The following TMEM132C variants were observed in gnomAD, a reference collection of about 807,000 sequenced individuals.
The protein encoded by TMEM132C is protein phosphatase 1, regulatory subunit 152.
A neutral mutation model predicts 61.4 loss-of-function variants in TMEM132C; 29 were observed. That is an observed-to-expected ratio of 0.47 (90% CI 0.35 to 0.64). The LOEUF is 0.64. TMEM132C is among the 30% of genes least tolerant of loss of function. The probability of loss-of-function intolerance (pLI) is 0.00; values close to 1 mark genes in which losing one functional copy is unlikely to be tolerated. For synonymous variants in TMEM132C, 656 were observed against 633.1 expected, an observed-to-expected ratio of 1.04 and a Z score of -0.54; for missense variants, 1,408 against 1,476.9, an observed-to-expected ratio of 0.95 and a Z score of 0.76.
At chr12:128,580,939 T>C (rs1875310681) in intron 3 of TMEM132C, among the ~76,000 whole-genome samples, 1 of 152,156 alleles carries the variant, frequency 6.6e-6, no homozygotes, top group South Asian at 2.1e-4. Context: ...TCCCACTAGA[T>C]GCCAACTGCA....
rs201749585 is a variant in TMEM132C, at chr12:128,668,719, CA to C, written c.1306-697del. 5.6e-3 allele frequency among the ~76,000 whole-genome samples: 853 copies of C among 152,254 alleles called. 16 individuals are homozygous for C. The highest frequency in any genetic ancestry group is 0.02 in the African/African-American group (827 of 41,512). Reference sequence around the variant, plus strand: ...TAAAGTTAAGATGTTGGCAGGGCTGCACTCCTTCTGGAAGCTCTCAGGGAAA... The same window carrying C: ...TAAAGTTAAGATGTTGGCAGGGCTGCCTCCTTCTGGAAGCTCTCAGGGAAA... On this transcript the variant is annotated intron_variant, in intron 4 of 8. Transcript: ENST00000435159.
At chr12:128,345,445 T>G (rs1267514725) in intron 1 of TMEM132C, among the ~76,000 whole-genome samples, 1 of 152,208 alleles carries the variant, frequency 6.6e-6, no homozygotes, top group Admixed American at 6.5e-5. Context: ...CTGGGTCAAA[T>G]GATATTTCTA....
intron 5 of TMEM132C, among the ~76,000 whole-genome samples, chr12:128,685,537 C>G (rs988037918): frequency 6.6e-6 from 1 of 152,132 alleles, no homozygotes; most frequent in Non-Finnish European, 1.5e-5. Flanking sequence ...TATTAATGGT[C>G]AAGTTCCAAC....
chr12:128,629,173 A>G (rs1415818424), intron 4 of TMEM132C, among the ~76,000 whole-genome samples: 1 of 152,310 alleles, frequency 6.6e-6, no homozygotes, highest in East Asian at 1.9e-4. Context: ...AATGGAGTTC[A>G]AGTTCTATAC....
At chr12:128,574,150 T>C (rs1287690623) in intron 3 of TMEM132C, among the ~76,000 whole-genome samples, 1 of 152,208 alleles carries the variant, frequency 6.6e-6, no homozygotes, top group Non-Finnish European at 1.5e-5. Flanking sequence ...ACTTCCTTGC[T>C]CCTGGCAGAT....
At chr12:128,586,161 G>A (rs1330612067) in intron 3 of TMEM132C, among the ~76,000 whole-genome samples, 1 of 152,128 alleles carries the variant, frequency 6.6e-6, no homozygotes, top group African/African-American at 2.4e-5. Context: ...GAGGAATTAA[G>A]GGTCAGGGAT....
At position 128,705,033 on chromosome 12, in the gene TMEM132C, G is replaced by T. The variant is rs1276019323; in HGVS notation, c.2122-57G>T. 7 of 1,460,026 alleles carry T rather than the reference G, an allele frequency of 4.8e-6. No individual in the cohort carries two copies. In the East Asian group the frequency reaches 1.5e-4, roughly 31 times the overall value. 90.4% of individuals were successfully genotyped at this position (1,460,026 alleles called of 1,614,324 possible). On this transcript the variant is annotated intron_variant, in intron 8 of 8. Coordinates refer to ENST00000435159, the MANE Select transcript of TMEM132C (RefSeq NM_001136103.3). The stretch of plus-strand genomic sequence containing the variant: ...TCATTGGGCGTCCTCCTAGGAGGGG[G>T]TTTCTAAGGGAAAAGGCATCCCCCA...
At chr12:128,588,857 CTG>C (rs1875645619) in intron 3 of TMEM132C, among the ~76,000 whole-genome samples, 1 of 152,170 alleles carries the variant, frequency 6.6e-6, no homozygotes, top group South Asian at 2.1e-4. Flanking sequence ...GTCACCCAGT[CTG>C]TGAGATTTTA....
intron 5 of TMEM132C, among the ~76,000 whole-genome samples, chr12:128,675,216 G>A (rs11059822): frequency 0.47 from 70,953 of 151,820 alleles, 16,736 homozygotes; most frequent in African/African-American, 0.56. Context: ...AGATGAAGAA[G>A]GTGAACCTCT....
chr12:128,643,853 C>T (rs1351708965), intron 4 of TMEM132C, among the ~76,000 whole-genome samples: 1 of 151,862 alleles, frequency 6.6e-6, no homozygotes, highest in East Asian at 1.9e-4. Context: ...AATTTTCCAA[C>T]ATAAAGATTA....
intron 2 of TMEM132C, among the ~76,000 whole-genome samples, chr12:128,466,166 G>A (rs1870728788): frequency 6.6e-6 from 1 of 152,164 alleles, no homozygotes; most frequent in African/African-American, 2.4e-5. Context: ...CTGCGATGGA[G>A]AACTAGCCAG....
intron 3 of TMEM132C, among the ~76,000 whole-genome samples, chr12:128,608,840 G>A (rs918945160): frequency 6.6e-5 from 10 of 152,160 alleles, no homozygotes; most frequent in Admixed American, 5.9e-4. Context: ...AGGAGGGGGA[G>A]GCTCAGGTTT....
chr12:128,297,263 T>C (rs867927623), intron 1 of TMEM132C, among the ~76,000 whole-genome samples: 1 of 152,210 alleles, frequency 6.6e-6, no homozygotes. Context: ...TAATTTTCTG[T>C]GCTGTGAACA....
At chr12:128,662,535 A>G (rs1245614556) in intron 4 of TMEM132C, among the ~76,000 whole-genome samples, 2 of 152,158 alleles carry the variant, frequency 1.3e-5, no homozygotes, top group East Asian at 3.9e-4. Flanking sequence ...GGTCAAGAAC[A>G]TATACTCCTG....
At chr12:128,513,539 G>T (rs1029654866) in intron 2 of TMEM132C, among the ~76,000 whole-genome samples, 1 of 152,110 alleles carries the variant, frequency 6.6e-6, no homozygotes, top group African/African-American at 2.4e-5. Flanking sequence ...TCCCATCTTG[G>T]ACGATCTTTT....
At chr12:128,444,157 C>T (rs1275829674) in intron 2 of TMEM132C, among the ~76,000 whole-genome samples, 2 of 152,106 alleles carry the variant, frequency 1.3e-5, no homozygotes, top group Non-Finnish European at 2.9e-5. Flanking sequence ...TGTGCTCAAG[C>T]GATCCTCCCG....
chr12:128,301,918 A>G (rs1593003265), intron 1 of TMEM132C, among the ~76,000 whole-genome samples: 2 of 151,764 alleles, frequency 1.3e-5, no homozygotes, highest in South Asian at 4.2e-4. Flanking sequence ...AGATGAGAGA[A>G]ATGAGAGCCA....
intron 1 of TMEM132C, among the ~76,000 whole-genome samples, chr12:128,275,239 G>A (rs770141317): frequency 4.2e-4 from 64 of 152,170 alleles, no homozygotes; most frequent in Admixed American, 7.2e-4. Context: ...GGTGAGTGAT[G>A]GATAAGCGAG....
intron 3 of TMEM132C, among the ~76,000 whole-genome samples, chr12:128,559,232 A>G (rs1004692136): frequency 6.6e-6 from 1 of 151,740 alleles, no homozygotes; most frequent in Non-Finnish European, 1.5e-5. Flanking sequence ...AATTTTTTTT[A>G]TCTAACAATA....
Sources: gnomAD v4.1 joint callset for allele counts (sites outside exome capture counted in the v4.1 genomes callset) on GRCh38, gnomAD v4.1.1 for gene constraint, MANE v1.5 for transcripts, NCBI Gene and HGNC (gene_info 2026-07-23, HGNC 2026-07-21) for gene names.